The following NELL1 variants were observed in gnomAD, a reference collection of about 807,000 sequenced individuals.
The protein encoded by NELL1 is protein kinase C-binding protein NELL1.
NELL1 carries 76 observed loss-of-function variants against 107.4 expected under a neutral mutation model. The observed-to-expected ratio is 0.71, with a 90% confidence interval of 0.59 to 0.86. The LOEUF (loss-of-function observed/expected upper bound fraction) is 0.86. Ranked by LOEUF, NELL1 falls within the 40% of genes least tolerant of loss-of-function variation. The probability of loss-of-function intolerance (pLI) is 0.00; values close to 1 mark genes in which losing one functional copy is unlikely to be tolerated. For synonymous variants in NELL1, 353 were observed against 341.2 expected (o/e 1.03, Z -0.38); for missense variants, 1,024 against 1,005.5 (o/e 1.02, Z -0.25).
intron 12 of NELL1, among the ~76,000 whole-genome samples, chr11:20,971,874 A>G (rs1851507595): frequency 6.6e-6 from 1 of 152,190 alleles, no homozygotes; most frequent in Non-Finnish European, 1.5e-5. Context: ...TGTCCTTTGC[A>G]GGGACATGGA....
Position 21,396,634 on chromosome 11 carries a change from T to A in NELL1, c.1645+25686T>A, listed in dbSNP as rs1017001999. 1.2e-4 allele frequency among the ~76,000 whole-genome samples: 18 copies of A among 151,616 alleles called. 1 individual carries two copies. The highest frequency in any genetic ancestry group is 3.3e-4 in the Admixed American group (5 of 15,162). ...ATAAGAGAGGCACATAAATAATTAT[T>A]AATGCATGATTTAAAAGTGATAAAC... On this transcript the variant is annotated intron_variant, in intron 15 of 19. Transcript: ENST00000357134.
chr11:21,433,275 C>A (rs1426579337), intron 15 of NELL1, among the ~76,000 whole-genome samples: 2 of 152,164 alleles, frequency 1.3e-5, no homozygotes, highest in Non-Finnish European at 2.9e-5. Context: ...ATCCATTCAT[C>A]TGCTGATGGG....
chr11:20,968,138 CT>C (rs1432508386), intron 12 of NELL1, among the ~76,000 whole-genome samples: 1 of 152,192 alleles, frequency 6.6e-6, no homozygotes, highest in South Asian at 2.1e-4. Context: ...CAGTTACCCC[CT>C]ATACCATTTG....
intron 5 of NELL1, among the ~76,000 whole-genome samples, chr11:20,912,788 C>G (rs1850160386): frequency 6.6e-6 from 1 of 152,096 alleles, no homozygotes; most frequent in African/African-American, 2.4e-5. Flanking sequence ...CAGCTGCTTC[C>G]CATAATTCCA....
chr11:20,744,960 T>C (rs1401792), intron 2 of NELL1, among the ~76,000 whole-genome samples: 79,171 of 152,112 alleles, frequency 0.52, 23,807 homozygotes, highest in Middle Eastern at 0.73. Context: ...TTATGACTTA[T>C]GTGTTACCTC....
chr11:20,985,689 C>G (rs1255463606), intron 12 of NELL1, among the ~76,000 whole-genome samples: 2 of 152,116 alleles, frequency 1.3e-5, no homozygotes, highest in Non-Finnish European at 2.9e-5. Flanking sequence ...GAGTCTTTTC[C>G]TTTATCTGAA....
chr11:20,783,211 T>A (rs1015999806), intron 2 of NELL1, among the ~76,000 whole-genome samples: 17 of 152,164 alleles, frequency 1.1e-4, no homozygotes, highest in Non-Finnish European at 2.4e-4. Flanking sequence ...AAAAGTGAAA[T>A]TGGAGGATGC....
intron 14 of NELL1, among the ~76,000 whole-genome samples, chr11:21,325,920 A>G (rs1190942953): frequency 6.6e-6 from 1 of 151,664 alleles, no homozygotes. Flanking sequence ...TTCATCCAGT[A>G]TGTTTTTGAG....
chr11:21,018,824 A>G (rs774690690), intron 12 of NELL1, among the ~76,000 whole-genome samples: 34 of 152,084 alleles, frequency 2.2e-4, no homozygotes, highest in Admixed American at 1.3e-4. Flanking sequence ...AAATGGTATG[A>G]GTTAGAGATG....
chr11:20,691,430 T>C (rs974124867), intron 2 of NELL1, among the ~76,000 whole-genome samples: 2 of 151,836 alleles, frequency 1.3e-5, no homozygotes, highest in African/African-American at 4.9e-5. Context: ...TTGTCATAGA[T>C]AGCTCTTATT....
chr11:21,190,345 C>CTGTTTTT (rs1237499425), intron 13 of NELL1, among the ~76,000 whole-genome samples: 1 of 151,754 alleles, frequency 6.6e-6, no homozygotes, highest in Non-Finnish European at 1.5e-5. Context: ...GAGTGAGACT[C>CTGTTTTT]TGTCTCCAAA....
At chr11:20,799,818 A>G (rs1291491239) in intron 3 of NELL1, among the ~76,000 whole-genome samples, 2 of 152,318 alleles carry the variant, frequency 1.3e-5, no homozygotes, top group East Asian at 1.9e-4. Context: ...TGGTGAGCAT[A>G]CTATCCAATA....
intron 2 of NELL1, among the ~76,000 whole-genome samples, chr11:20,722,438 A>G (rs190712299): frequency 1.4e-4 from 21 of 152,290 alleles, no homozygotes; most frequent in Middle Eastern, 3.4e-3. Context: ...TTGGTTATGT[A>G]TACTTCAGTT....
intron 3 of NELL1, among the ~76,000 whole-genome samples, chr11:20,821,236 T>G (rs1283619131): frequency 1.3e-5 from 2 of 152,150 alleles, no homozygotes; most frequent in African/African-American, 4.8e-5. Context: ...AAAGGCACGA[T>G]GCATTACTCC....
chr11:21,489,289 G>T (rs930564119), intron 15 of NELL1, among the ~76,000 whole-genome samples: 1 of 137,536 alleles, frequency 7.3e-6, no homozygotes, highest in Non-Finnish European at 1.5e-5. Context: ...GTAATATAAA[G>T]TCTCCTAACA....
chr11:21,331,429 G>GT (rs1850270734), intron 14 of NELL1, among the ~76,000 whole-genome samples: 1 of 152,038 alleles, frequency 6.6e-6, no homozygotes, highest in Non-Finnish European at 1.5e-5. Context: ...GACACTGGCA[G>GT]TGTAAAGCAG....
chr11:21,271,663 C>T (rs942626538), intron 14 of NELL1, among the ~76,000 whole-genome samples: 2 of 152,132 alleles, frequency 1.3e-5, no homozygotes, highest in African/African-American at 4.8e-5. Flanking sequence ...CAGACAAAAA[C>T]ATCACAAGAA....
intron 14 of NELL1, among the ~76,000 whole-genome samples, chr11:21,366,916 T>C (rs1038694184): frequency 1.3e-5 from 2 of 152,132 alleles, no homozygotes; most frequent in African/African-American, 4.8e-5. Context: ...CTATTACTTT[T>C]TATTAGTGTA....
At chr11:21,362,082 T>G (rs1395072065) in intron 14 of NELL1, among the ~76,000 whole-genome samples, 1 of 152,174 alleles carries the variant, frequency 6.6e-6, no homozygotes, top group Non-Finnish European at 1.5e-5. Flanking sequence ...TTACCAGAAT[T>G]ATTTTACTTT....
Sources: allele counts gnomAD v4.1 joint callset (sites outside exome capture counted in the v4.1 genomes callset), GRCh38; gene constraint gnomAD v4.1.1; transcripts MANE v1.5; gene names NCBI Gene and HGNC (gene_info 2026-07-23, HGNC 2026-07-21).